The following ABCB4 variants were observed in gnomAD, a reference collection of about 807,000 sequenced individuals.
The protein encoded by ABCB4 is phosphatidylcholine translocator ABCB4.
ABCB4 carries 76 observed loss-of-function variants against 145.7 expected under a neutral mutation model. The observed-to-expected ratio is 0.52, with a 90% CI of 0.43 to 0.63. The LOEUF is 0.63. Ranked by LOEUF, ABCB4 falls within the 30% of genes least tolerant of loss-of-function variation. The pLI, the probability that ABCB4 is intolerant of heterozygous loss-of-function variation, is 0.00. For missense variants in ABCB4, 1,234 were observed against 1,553.1 expected (o/e 0.79, Z 3.45); for synonymous variants, 517 against 566.8 (o/e 0.91, Z 1.25).
chr7:87,446,848 A>G (rs896643688), intron 9 of ABCB4, among the ~76,000 whole-genome samples, 186 bp downstream of exon 9: 2 of 152,144 alleles, frequency 1.3e-5, no homozygotes, highest in Non-Finnish European at 2.9e-5. Flanking sequence ...TCTTATCCAC[A>G]CTCATAATTA....
At chr7:87,431,179 G>A (rs955843947) in intron 15 of ABCB4, among the ~76,000 whole-genome samples, 4 of 152,132 alleles carry the variant, frequency 2.6e-5, no homozygotes, top group African/African-American at 9.7e-5. Flanking sequence ...AGGCAATTAG[G>A]AATCTGTCCT....
intron 2 of ABCB4, 58 bp from the exon 3 acceptor site, chr7:87,472,733 T>G (rs1813517904): frequency 1.7e-6 from 2 of 1,197,624 alleles, no homozygotes; most frequent in African/African-American, 3.0e-5. Flanking sequence ...TACAATCAAT[T>G]GAACATAAAT....
chr7:87,414,383 G>A (rs1273050546), intron 21 of ABCB4, among the ~76,000 whole-genome samples: 6 of 152,166 alleles, frequency 3.9e-5, no homozygotes, highest in Admixed American at 3.9e-4. Flanking sequence ...CAGCATCCGA[G>A]GAATGGAATA....
the ABCB4 span, chr7:87,382,492 A>T: frequency 6.2e-7 from 1 of 1,613,900 alleles, no homozygotes; most frequent in Non-Finnish European, 8.5e-7. Context: ...CTTCACCCGG[A>T]TACGTTTATT....
rs901402373 is a variant in ABCB4, at chr7:87,475,546, G to A, written c.-6-75C>T. ...CGGCGCACGAGTCGCGGGGCCCGGG[G>A]GCACTGGGTGGAGGTCCGGCCACTC... On this transcript the variant is annotated intron_variant, in intron 1 of 27. Transcript: ENST00000649586. 4.6e-5 allele frequency: 67 copies of A among 1,465,536 alleles called. No individual in the cohort carries two copies. The African/African-American group carries it at 8.9e-4, about 20-fold the overall frequency. The allele number at this position is 1,465,536 out of a possible 1,614,324, so 90.8% of individuals were successfully genotyped here. A position where few individuals can be genotyped will look rare whatever the true frequency, so the allele number is the denominator to read the frequency against.
the ABCB4 span, among the ~76,000 whole-genome samples, chr7:87,365,897 ACCTGG>A: frequency 6.6e-6 from 1 of 151,938 alleles, no homozygotes; most frequent in Non-Finnish European, 1.5e-5. Flanking sequence ...GAGCCACAGC[ACCTGG>A]CCTGTTGTTT....
At chr7:87,424,487 G>T (rs1172259778) in intron 16 of ABCB4, among the ~76,000 whole-genome samples, 1 of 152,168 alleles carries the variant, frequency 6.6e-6, no homozygotes, top group Non-Finnish European at 1.5e-5. Flanking sequence ...TGGGTCAAAT[G>T]AGACAATACA....
chr7:87,448,297 A>T (rs1811481103), intron 8 of ABCB4, among the ~76,000 whole-genome samples: 1 of 152,364 alleles, frequency 6.6e-6, no homozygotes, highest in Admixed American at 6.5e-5. Context: ...AAAACAAAAA[A>T]CAAAACACAG....
chr7:87,439,251 C>T (rs1261400157), intron 14 of ABCB4, among the ~76,000 whole-genome samples: 1 of 152,094 alleles, frequency 6.6e-6, no homozygotes, highest in Non-Finnish European at 1.5e-5. Context: ...CACCTGGTCA[C>T]CTACATGAAT....
intron 7 of ABCB4, among the ~76,000 whole-genome samples, chr7:87,451,039 C>T (rs1041287648): frequency 1.3e-5 from 2 of 152,178 alleles, no homozygotes; most frequent in East Asian, 3.9e-4. Context: ...CAAATACAAA[C>T]TCTATTTAAA....
the ABCB4 span, among the ~76,000 whole-genome samples, chr7:87,368,092 G>A: frequency 0.011 from 1,747 of 152,218 alleles, 39 homozygotes; most frequent in African/African-American, 0.04. Context: ...TCTCTGTGCC[G>A]CAGCTGCACT....
Position 87,463,060 on chromosome 7 carries a change from A to G in ABCB4, c.136-152T>C, listed in dbSNP as rs4148813. On this transcript the variant is annotated intron_variant, in intron 3 of 27. Transcript: ENST00000649586. ...AAAGGAGGCCTTCAAATCATTAACA[A>G]CTTAATTTCATGATTCTGTTTATTT... 143,146 of 646,708 alleles carry G rather than the reference A, an allele frequency of 0.22. 20,356 individuals are homozygous for G. Among genetic ancestry groups the G allele is most frequent in the African/African-American group, 0.57 (30,671 of 54,134 alleles). 40.1% of individuals were successfully genotyped at this position (646,708 alleles called of 1,614,324 possible).
At chr7:87,402,871 C>T (rs1459531647) in intron 27 of ABCB4, among the ~76,000 whole-genome samples, 1 of 152,078 alleles carries the variant, frequency 6.6e-6, no homozygotes. Flanking sequence ...TAGTGGCAGG[C>T]ACCTGTAGTC....
At chr7:87,463,441 T>C (rs1184113779) in intron 3 of ABCB4, among the ~76,000 whole-genome samples, 1 of 152,228 alleles carries the variant, frequency 6.6e-6, no homozygotes, top group Non-Finnish European at 1.5e-5. Flanking sequence ...TGTCTATATA[T>C]GCACCTTAGG....
rs73705205 is a variant in ABCB4, at chr7:87,423,666, A to T, written c.2211+240T>A. On this transcript the variant is annotated intron_variant, in intron 17 of 27. Transcript: ENST00000649586. ...CAGTTTCACCAAATGAAGAGAGCTCATTAGAATGCCTTCTTCATTGATTTT... is the reference window on the plus strand; with the variant it reads ...CAGTTTCACCAAATGAAGAGAGCTCTTTAGAATGCCTTCTTCATTGATTTT... 1.2e-3 allele frequency: 645 copies of T among 520,384 alleles called. 3 individuals are homozygous for T. Among genetic ancestry groups the T allele is most frequent in the African/African-American group, 0.011 (580 of 52,102 alleles). 32.2% of individuals were successfully genotyped at this position (520,384 alleles called of 1,614,324 possible).
At chr7:87,382,682 CA>C in the ABCB4 span, 9 of 781,294 alleles carry the variant, frequency 1.2e-5, no homozygotes, top group Non-Finnish European at 1.8e-5. Context: ...GTACTTCCAT[CA>C]ATAGAGTATT....
chr7:87,475,616 C>A lies in ABCB4; in HGVS notation c.-7+18G>T. On this transcript the variant is annotated intron_variant, in intron 1 of 27. Transcript: ENST00000649586. ...CCGGGTCTCCCTTCGAGGCCAGACG[C>A]GCCCGGACCTCTCTCACCTCGAACC... is the stretch of plus-strand genomic sequence containing the variant. 1 of 764,816 alleles carries A rather than the reference C, an allele frequency of 1.3e-6. No individual in the cohort carries two copies. The highest frequency in any genetic ancestry group is 2.1e-5 in the Admixed American group (1 of 47,758). 47.4% of individuals were successfully genotyped at this position (764,816 alleles called of 1,614,324 possible). A position where few individuals can be genotyped will look rare whatever the true frequency, so the allele number is the denominator to read the frequency against.
At chr7:87,475,348 G>A in intron 2 of ABCB4, 38 bp downstream of exon 2, 5 of 1,609,830 alleles carry the variant, frequency 3.1e-6, no homozygotes, top group South Asian at 1.1e-5. Context: ...CTGCTGATTG[G>A]CGTGTAACGG....
intron 21 of ABCB4, among the ~76,000 whole-genome samples, chr7:87,414,963 T>C (rs2116439566): frequency 6.6e-6 from 1 of 152,282 alleles, no homozygotes; most frequent in Admixed American, 6.5e-5. Context: ...GTTCTAAAGT[T>C]AATAAGTAGC....
Sources: gnomAD v4.1 joint callset for allele counts (sites outside exome capture counted in the v4.1 genomes callset) on GRCh38, gnomAD v4.1.1 for gene constraint, MANE v1.5 for transcripts, NCBI Gene and HGNC (gene_info 2026-07-23, HGNC 2026-07-21) for gene names.